PBX1: variants seen among roughly 807,000 people sequenced by gnomAD.
PBX1 encodes PBX homeobox 1, also known as pre-B-cell leukemia transcription factor 1.
PBX1 carries 6 observed loss-of-function variants against 53.4 expected under a neutral mutation model. That is an observed-to-expected ratio of 0.11 (90% CI 0.06 to 0.22). The LOEUF is 0.22. Among genes scored for constraint, PBX1 ranks in the 10% least tolerant of loss-of-function variants. The pLI is 1.00. For synonymous variants in PBX1, 204 were observed against 212.3 expected, an observed-to-expected ratio of 0.96 and a Z score of 0.34; for missense variants, 251 against 551.4, an observed-to-expected ratio of 0.46 and a Z score of 5.46.
chr1:164,720,413 A>T (rs6700017), intron 2 of PBX1, among the ~76,000 whole-genome samples: 55,291 of 151,958 alleles, frequency 0.36, 10,640 homozygotes, highest in East Asian at 0.57. Flanking sequence ...AGGATCCTGA[A>T]GTGAACATGC....
chr1:164,767,130 C>T (rs1160068136), intron 2 of PBX1, among the ~76,000 whole-genome samples: 3 of 152,074 alleles, frequency 2.0e-5, no homozygotes, highest in African/African-American at 7.2e-5. Flanking sequence ...TTAACTGTGA[C>T]CTGCTTATTC....
chr1:164,848,445 C>T lies in PBX1; in HGVS notation c.*1769C>T, dbSNP rs568818969. The T allele has an allele frequency of 2.5e-4, 265 of 1,055,738 alleles. No homozygotes were observed. Among genetic ancestry groups the T allele is most frequent in the Non-Finnish European group, 2.9e-4 (256 of 873,384 alleles). The allele number at this position is 1,055,738 out of a possible 1,614,324, so 65.4% of individuals were successfully genotyped here. On this transcript the variant is annotated 3_prime_UTR_variant, in exon 9 of 9. Coordinates refer to ENST00000420696, the MANE Select transcript of PBX1 (RefSeq NM_002585.4). ...TTTGTTCATATCCAATCTGTAAATG[C>T]GAAGTCAGGGGAAGTAATGTCCCTG... is the stretch of plus-strand genomic sequence containing the variant.
At chr1:164,860,032 G>C (rs1394688329) in intron 2 of PBX1, among the ~76,000 whole-genome samples, 1 of 152,150 alleles carries the variant, frequency 6.6e-6, no homozygotes, top group Non-Finnish European at 1.5e-5. Flanking sequence ...CCTATCATGG[G>C]ATGGAACTAT....
intron 1 of PBX1, 141 bp downstream of exon 1, chr1:164,560,154 T>C (rs1179312991): frequency 6.4e-6 from 4 of 625,230 alleles, no homozygotes; most frequent in Non-Finnish European, 1.0e-5. Flanking sequence ...AGCAACTACA[T>C]GGCGGAGGAG....
At chr1:164,674,847 G>GCCCCCCCCCCCCCCCCCCCCCCCCCCC (rs78130048) in intron 2 of PBX1, 1 of 40,614 alleles carries the variant, frequency 2.5e-5, no homozygotes, top group Non-Finnish European at 6.2e-5. Flanking sequence ...AGAAATCACA[G>GCCCCCCCCCCCCCCCCCCCCCCCCCCC]CCCCCCCCCC....
chr1:164,786,727 G>GCGCGCGCA (rs1318395235), intron 2 of PBX1, among the ~76,000 whole-genome samples: 1 of 136,512 alleles, frequency 7.3e-6, no homozygotes, highest in East Asian at 2.6e-4. Flanking sequence ...GTGTGCGCGC[G>GCGCGCGCA]CACACACACA....
chr1:164,641,193 A>G (rs1266799124), intron 2 of PBX1: 1 of 153,178 alleles, frequency 6.5e-6, no homozygotes, highest in Non-Finnish European at 1.5e-5. Context: ...GCCACAGCAG[A>G]CTTGTGATAC....
At chr1:164,858,183 A>G (rs1672017192) in intron 2 of PBX1, among the ~76,000 whole-genome samples, 2 of 151,882 alleles carry the variant, frequency 1.3e-5, no homozygotes, top group South Asian at 4.2e-4. Context: ...CACTGCTCCT[A>G]TTTTGTTTAC....
At chr1:164,789,131 G>C (rs530137124) in intron 2 of PBX1, among the ~76,000 whole-genome samples, 12 of 152,266 alleles carry the variant, frequency 7.9e-5, no homozygotes, top group African/African-American at 2.9e-4. Context: ...CTTCCATGGC[G>C]GGTAGGGGCT....
At chr1:164,636,910 G>A (rs1019090173) in intron 2 of PBX1, among the ~76,000 whole-genome samples, 1 of 152,140 alleles carries the variant, frequency 6.6e-6, no homozygotes, top group African/African-American at 2.4e-5. Context: ...GATATGGTAG[G>A]AGGATGGCTT....
chr1:164,885,974 T>G (rs1239393756), intron 2 of PBX1, among the ~76,000 whole-genome samples: 1 of 152,020 alleles, frequency 6.6e-6, no homozygotes, highest in African/African-American at 2.4e-5. Flanking sequence ...CAGGATTTTT[T>G]GTATTCTTTA....
At chr1:164,709,062 A>ACT (rs1663604926) in intron 2 of PBX1, among the ~76,000 whole-genome samples, 1 of 152,116 alleles carries the variant, frequency 6.6e-6, no homozygotes, top group Non-Finnish European at 1.5e-5. Context: ...TGCCATAGAT[A>ACT]CTCTGAGAAG....
intron 2 of PBX1, among the ~76,000 whole-genome samples, chr1:164,629,382 A>G (rs1286793823): frequency 6.6e-6 from 1 of 152,192 alleles, no homozygotes; most frequent in Non-Finnish European, 1.5e-5. Flanking sequence ...TCACGGGCTC[A>G]GTTTTGACAG....
At chr1:164,870,468 C>T (rs1028100633) in intron 2 of PBX1, among the ~76,000 whole-genome samples, 3 of 151,850 alleles carry the variant, frequency 2.0e-5, no homozygotes, top group African/African-American at 7.3e-5. Context: ...TCTCAGTCTC[C>T]CAAGTAATGG....
intron 2 of PBX1, among the ~76,000 whole-genome samples, chr1:164,748,517 T>A (rs1454972947): frequency 6.6e-6 from 1 of 152,128 alleles, no homozygotes; most frequent in African/African-American, 2.4e-5. Flanking sequence ...TCATCTAAGG[T>A]TAAATAATAC....
At chr1:164,609,407 A>T (rs1300059538) in intron 2 of PBX1, among the ~76,000 whole-genome samples, 8 of 152,096 alleles carry the variant, frequency 5.3e-5, no homozygotes, top group African/African-American at 1.9e-4. Flanking sequence ...AGAACACCTG[A>T]GGGGATAGAT....
At chr1:164,667,000 G>A (rs147711664) in intron 2 of PBX1, among the ~76,000 whole-genome samples, 95 of 152,236 alleles carry the variant, frequency 6.2e-4, no homozygotes, top group Non-Finnish European at 1.1e-3. Context: ...ATTTGAACCC[G>A]AATTTGCTGT....
intron 2 of PBX1, among the ~76,000 whole-genome samples, chr1:164,571,873 GTATATATATATATATATATATATATATA>G (rs59338120): frequency 1.1e-3 from 34 of 29,900 alleles, no homozygotes; most frequent in Middle Eastern, 0.038. Context: ...TCTGTACATT[GTATATATATATATATATATATATATATA>G]TATATATATA....
chr1:164,669,691 AG>A (rs1413103599), intron 2 of PBX1, among the ~76,000 whole-genome samples: 6 of 152,114 alleles, frequency 3.9e-5, no homozygotes, highest in Non-Finnish European at 5.9e-5. Flanking sequence ...ACTCCTAGGG[AG>A]TTCACTATTC....
Sources: allele counts gnomAD v4.1 joint callset (sites outside exome capture counted in the v4.1 genomes callset), GRCh38; gene constraint gnomAD v4.1.1; transcripts MANE v1.5; gene names NCBI Gene and HGNC (gene_info 2026-07-23, HGNC 2026-07-21).